The following MTBP variants were observed in gnomAD, a reference collection of about 807,000 sequenced individuals.
The protein encoded by MTBP is mdm2-binding protein.
In MTBP, 101 loss-of-function variants were observed where a neutral mutation model predicts 117.0. The observed-to-expected ratio is 0.86, with a 90% CI of 0.73 to 1.02. MTBP has a LOEUF of 1.02. Ranked by LOEUF, MTBP falls within the 50% of genes least tolerant of loss-of-function variation. MTBP has a pLI of 0.00. For missense variants in MTBP, 970 were observed against 1,030.9 expected, an observed-to-expected ratio of 0.94 and a Z score of 0.81; for synonymous variants, 350 against 351.5, an observed-to-expected ratio of 1.00 and a Z score of 0.05.
chr8:120,470,624 A>G (rs958516227), intron 10 of MTBP, among the ~76,000 whole-genome samples, 196 bp from the exon 11 acceptor site: 7 of 152,010 alleles, frequency 4.6e-5, no homozygotes, highest in African/African-American at 7.2e-5. Flanking sequence ...TCTGCATTTT[A>G]GCTTTTATTT....
intron 11 of MTBP, among the ~76,000 whole-genome samples, chr8:120,478,919 G>A (rs1363060147): frequency 2.0e-5 from 3 of 151,998 alleles, no homozygotes; most frequent in Non-Finnish European, 4.4e-5. Context: ...ATAAAAAGAT[G>A]GTACATATAC....
intron 15 of MTBP, among the ~76,000 whole-genome samples, chr8:120,503,986 T>C (rs148748864): frequency 3.1e-4 from 47 of 152,246 alleles, no homozygotes; most frequent in African/African-American, 1.0e-3. Flanking sequence ...AGAATTCTTC[T>C]TTAGGGATGA....
intron 15 of MTBP, among the ~76,000 whole-genome samples, chr8:120,504,355 T>C (rs1204357416): frequency 6.6e-6 from 1 of 152,156 alleles, no homozygotes; most frequent in Non-Finnish European, 1.5e-5. Flanking sequence ...CTAAACCTTA[T>C]GCTATTTGCA....
intron 14 of MTBP, among the ~76,000 whole-genome samples, chr8:120,500,198 A>C (rs537098436): frequency 1.3e-5 from 2 of 151,674 alleles, no homozygotes; most frequent in African/African-American, 4.8e-5. Context: ...TTTTTAAAGC[A>C]GTGTTCTTGG....
In MTBP at chr8:120,463,885, A is replaced by T. The variant is rs535581506; in HGVS notation, c.1047+124A>T. On this transcript the variant is annotated intron_variant, in intron 10 of 21. Transcript: ENST00000305949. ...TTGATGACTTGGTTTCTTTAATGTA[A>T]TATAGGATAATTTTGGTCCTAACTC... 4.6e-6 allele frequency: 4 copies of T among 865,740 alleles called. No individual in the cohort carries two copies. The Admixed American group carries it at 7.2e-5, about 16-fold the overall frequency. 53.6% of individuals were successfully genotyped at this position (865,740 alleles called of 1,614,324 possible).
intron 18 of MTBP, among the ~76,000 whole-genome samples, chr8:120,517,101 G>C (rs1586974736): frequency 6.6e-6 from 1 of 151,936 alleles, no homozygotes; most frequent in Non-Finnish European, 1.5e-5. Context: ...TGTGGCTTCT[G>C]GGTCAGCAGA....
chr8:120,489,839 C>T (rs1174694884), intron 12 of MTBP, among the ~76,000 whole-genome samples: 7 of 152,116 alleles, frequency 4.6e-5, no homozygotes, highest in African/African-American at 1.7e-4. Flanking sequence ...GACCTGGCTT[C>T]TATATTTCAG....
chr8:120,493,743 G>A (rs1814396591), intron 13 of MTBP, among the ~76,000 whole-genome samples: 1 of 151,948 alleles, frequency 6.6e-6, no homozygotes, highest in Non-Finnish European at 1.5e-5. Flanking sequence ...CACCCGCTTC[G>A]GCCTCCCAAA....
At position 120,445,596 on chromosome 8, in the gene MTBP, C is replaced by G. The variant is rs1813206674; in HGVS notation, c.118+8C>G. On this transcript the variant is annotated splice_region_variant and intron_variant, in intron 1 of 21. Transcript: ENST00000305949. ...GTACTGAGAATCAGCCGGGTAAGCG[C>G]TGGGATGAGAAAGAGCGGGAACGGC... is the stretch of plus-strand genomic sequence containing the variant. 1.9e-6 allele frequency: 3 copies of G among 1,595,242 alleles called. No individual in the cohort carries two copies. The highest frequency in any genetic ancestry group is 1.7e-6 in the Non-Finnish European group (2 of 1,171,746).
chr8:120,484,302 A>G (rs1429659352), intron 11 of MTBP, among the ~76,000 whole-genome samples: 5 of 152,150 alleles, frequency 3.3e-5, no homozygotes, highest in Non-Finnish European at 5.9e-5. Flanking sequence ...ATTTAAATTC[A>G]TGTTCTAAAA....
rs372105266 is a variant in MTBP, at chr8:120,461,630, T to G, written c.977+375T>G. 2.0e-4 allele frequency among the ~76,000 whole-genome samples: 31 copies of G among 152,280 alleles called. No homozygotes were observed. In the East Asian group the frequency reaches 5.2e-3, roughly 26 times the overall value. On this transcript the variant is annotated intron_variant, in intron 9 of 21. Transcript: ENST00000305949. ...CTGCTTGAGCACAGGACTGATCTAC[T>G]CTCACACCTAGCCTAGCATTAACTG... is the stretch of plus-strand genomic sequence containing the variant.
intron 2 of MTBP, among the ~76,000 whole-genome samples, chr8:120,449,224 A>C (rs1813286800): frequency 6.6e-6 from 1 of 152,066 alleles, no homozygotes; most frequent in African/African-American, 2.4e-5. Flanking sequence ...GATGTAGAAG[A>C]AGGAAAGGAT....
intron 15 of MTBP, among the ~76,000 whole-genome samples, chr8:120,504,937 C>A (rs1039312570): frequency 1.3e-5 from 2 of 151,908 alleles, no homozygotes; most frequent in Non-Finnish European, 2.9e-5. Flanking sequence ...TTTTTTCTAG[C>A]AACCTATTCT....
intron 15 of MTBP, among the ~76,000 whole-genome samples, chr8:120,504,434 A>G (rs1814652277): frequency 6.6e-6 from 1 of 151,986 alleles, no homozygotes; most frequent in Non-Finnish European, 1.5e-5. Flanking sequence ...CTCTACCTGC[A>G]TATTTGTTAT....
At chr8:120,499,528 T>G (rs1369583721) in intron 14 of MTBP, among the ~76,000 whole-genome samples, 3 of 152,228 alleles carry the variant, frequency 2.0e-5, no homozygotes, top group Non-Finnish European at 4.4e-5. Flanking sequence ...AATGAAGTTG[T>G]GATTTTTAAC....
At position 120,523,382 on chromosome 8, in the gene MTBP, T is replaced by C; in HGVS notation, c.*46T>C. On this transcript the variant is annotated 3_prime_UTR_variant, in exon 22 of 22. Coordinates refer to ENST00000305949, the MANE Select transcript of MTBP (RefSeq NM_022045.5). ...GACAATTATAAATTGGATGGAGCTA[T>C]TATTCACTACTTCTTTTCTTAGTTT... 1 of 1,167,876 alleles carries C rather than the reference T, an allele frequency of 8.6e-7. No individual in the cohort carries two copies. The highest frequency in any genetic ancestry group is 2.3e-5 in the Admixed American group (1 of 42,980). The allele number at this position is 1,167,876 out of a possible 1,614,324, so 72.3% of individuals were successfully genotyped here.
At chr8:120,520,645 A>G (rs948618911) in intron 20 of MTBP, among the ~76,000 whole-genome samples, 2 of 152,156 alleles carry the variant, frequency 1.3e-5, no homozygotes, top group Non-Finnish European at 2.9e-5. Flanking sequence ...AACATTTTCT[A>G]AAAGCTTCCC....
intron 11 of MTBP, among the ~76,000 whole-genome samples, chr8:120,486,621 C>G (rs1387414515): frequency 6.6e-6 from 1 of 152,160 alleles, no homozygotes; most frequent in Non-Finnish European, 1.5e-5. Flanking sequence ...TGACAGCCTG[C>G]TCCTTCCCAT....
rs1183383189 is a variant in MTBP at position 120,455,450 on chromosome 8, A to T, written c.500A>T (p.Asp167Val). 6.2e-7 allele frequency: 1 copy of T among 1,607,838 alleles called. No homozygotes were observed. The highest frequency in any genetic ancestry group is 1.7e-5 in the Admixed American group (1 of 59,758). Reference sequence around the variant, plus strand: ...CTCTTTCTAGGTAGAGCAATGGTAGATATAATACTGTTGCTTTCTGACAAA... The same window carrying T: ...CTCTTTCTAGGTAGAGCAATGGTAGTTATAATACTGTTGCTTTCTGACAAA... ...KLPAPGRAMVDIILLLSDKDP... is the reference protein window; with the variant it reads ...KLPAPGRAMVVIILLLSDKDP... The change falls in exon 6 of 22, where the codon GAT (aspartate) becomes GTT (valine). Residue 167 changes from aspartate to valine, a missense_variant. Transcript: ENST00000305949.
Sources: gnomAD v4.1 joint callset for allele counts (sites outside exome capture counted in the v4.1 genomes callset) on GRCh38, gnomAD v4.1.1 for gene constraint, MANE v1.5 for transcripts, NCBI Gene and HGNC (gene_info 2026-07-23, HGNC 2026-07-21) for gene names.